The following EPM2A variants were observed in gnomAD, a reference collection of about 807,000 sequenced individuals.
EPM2A encodes EPM2A glucan phosphatase, laforin.
Under a neutral mutation model 26.5 loss-of-function variants are expected in EPM2A, and 21 were observed. The observed-to-expected ratio is 0.79, with a 90% CI of 0.56 to 1.14. EPM2A has a LOEUF of 1.14. Ranked by LOEUF, EPM2A falls within the 50% of genes most tolerant of loss-of-function variation. The pLI is 0.00. For missense variants in EPM2A, 458 were observed against 440.8 expected, an observed-to-expected ratio of 1.04 and a Z score of -0.35; for synonymous variants, 217 against 177.6, an observed-to-expected ratio of 1.22 and a Z score of -1.76.
chr6:145,461,729 T>C (rs1056922675), intron 4 of EPM2A, among the ~76,000 whole-genome samples: 2 of 152,060 alleles, frequency 1.3e-5, no homozygotes, highest in Admixed American at 6.6e-5. Flanking sequence ...AATGAACTGG[T>C]TTCCCTAACT....
At chr6:145,575,961 G>A (rs9376950) in intron 2 of EPM2A, among the ~76,000 whole-genome samples, 55,106 of 152,068 alleles carry the variant, frequency 0.36, 10,445 homozygotes, top group South Asian at 0.51. Flanking sequence ...TCAGCCTCCC[G>A]AGTAGCTGGG....
intron 2 of EPM2A, among the ~76,000 whole-genome samples, chr6:145,550,921 G>C (rs1199951467): frequency 1.3e-5 from 2 of 151,970 alleles, no homozygotes; most frequent in Non-Finnish European, 2.9e-5. Flanking sequence ...GGTATTAGTA[G>C]TTTCGTTTGG....
chr6:145,467,165 A>T (rs1430401221), intron 4 of EPM2A, among the ~76,000 whole-genome samples: 1 of 151,950 alleles, frequency 6.6e-6, no homozygotes, highest in Admixed American at 6.6e-5. Flanking sequence ...AATAAATAAA[A>T]ATTATAAATA....
At chr6:145,567,164 C>A (rs939695069) in intron 2 of EPM2A, among the ~76,000 whole-genome samples, 2 of 152,224 alleles carry the variant, frequency 1.3e-5, no homozygotes, top group Non-Finnish European at 2.9e-5. Flanking sequence ...TTAAACACTG[C>A]AGTGACCCAG....
chr6:145,451,787 T>TAA (rs1779198449), intron 4 of EPM2A, among the ~76,000 whole-genome samples: 2 of 152,368 alleles, frequency 1.3e-5, no homozygotes, highest in African/African-American at 4.8e-5. Flanking sequence ...AATTATTTTT[T>TAA]AATTTTAATT....
chr6:145,613,214 T>C (rs557765061), intron 2 of EPM2A, among the ~76,000 whole-genome samples: 3 of 152,348 alleles, frequency 2.0e-5, no homozygotes, highest in East Asian at 3.9e-4. Context: ...TATTTGTTCA[T>C]TCATAAAAAG....
At chr6:145,685,060 G>C (rs866465527) in intron 2 of EPM2A, among the ~76,000 whole-genome samples, 1 of 152,078 alleles carries the variant, frequency 6.6e-6, no homozygotes, top group South Asian at 2.1e-4. Context: ...GCATCTCCTT[G>C]TGTATGGTAC....
At chr6:145,466,074 A>G (rs1056048687) in intron 4 of EPM2A, among the ~76,000 whole-genome samples, 3 of 152,274 alleles carry the variant, frequency 2.0e-5, no homozygotes, top group South Asian at 2.1e-4. Flanking sequence ...GGACATAGAC[A>G]TGGGCAAGGA....
At chr6:145,580,006 A>T (rs1279877404) in intron 2 of EPM2A, among the ~76,000 whole-genome samples, 1 of 152,196 alleles carries the variant, frequency 6.6e-6, no homozygotes, top group Non-Finnish European at 1.5e-5. Flanking sequence ...AGCTTTGTAC[A>T]TTAACATAGA....
chr6:145,533,546 T>C (rs1055733329), intron 2 of EPM2A, among the ~76,000 whole-genome samples: 1 of 152,202 alleles, frequency 6.6e-6, no homozygotes, highest in African/African-American at 2.4e-5. Context: ...CTCCATCCCC[T>C]ACCCCATGCT....
intron 2 of EPM2A, among the ~76,000 whole-genome samples, chr6:145,557,880 C>T (rs1780751568): frequency 6.6e-6 from 1 of 152,076 alleles, no homozygotes; most frequent in African/African-American, 2.4e-5. Context: ...CAACATCTCC[C>T]CAAACCGTCC....
intron 2 of EPM2A, among the ~76,000 whole-genome samples, chr6:145,616,651 C>A (rs1475968087): frequency 6.6e-6 from 1 of 152,234 alleles, no homozygotes; most frequent in Non-Finnish European, 1.5e-5. Flanking sequence ...CTATACCCTG[C>A]AAAGCCACAG....
At chr6:145,575,639 G>C (rs548565760) in intron 2 of EPM2A, among the ~76,000 whole-genome samples, 1 of 152,262 alleles carries the variant, frequency 6.6e-6, no homozygotes, top group East Asian at 1.9e-4. Context: ...GTTGTCAAAG[G>C]TATTATGTAT....
intron 2 of EPM2A, among the ~76,000 whole-genome samples, chr6:145,515,248 G>A: frequency 6.6e-6 from 1 of 152,210 alleles, no homozygotes; most frequent in East Asian, 1.9e-4. Context: ...GTTTTCTAGA[G>A]AGAAAGCAAT....
chr6:145,526,091 A>G (rs2114778711), intron 2 of EPM2A, among the ~76,000 whole-genome samples: 1 of 152,208 alleles, frequency 6.6e-6, no homozygotes, highest in East Asian at 1.9e-4. Flanking sequence ...GTGGTGAATC[A>G]CACTTATTGA....
chr6:145,623,162 GAACAA>G (rs10559928), downstream of EPM2A, among the ~76,000 whole-genome samples: 14,702 of 152,054 alleles, frequency 0.097, 1,822 homozygotes, highest in African/African-American at 0.29. Flanking sequence ...GTACATCACC[GAACAA>G]AACAAAACAG....
At chr6:145,599,967 T>C (rs539761793) in intron 2 of EPM2A, among the ~76,000 whole-genome samples, 1 of 152,246 alleles carries the variant, frequency 6.6e-6, no homozygotes, top group Non-Finnish European at 1.5e-5. Context: ...TAATAGTTTA[T>C]GTTATAAAGT....
intron 2 of EPM2A, among the ~76,000 whole-genome samples, chr6:145,523,003 T>C (rs1375327470): frequency 6.6e-6 from 1 of 152,168 alleles, no homozygotes; most frequent in Non-Finnish European, 1.5e-5. Context: ...CAGGGGTTGT[T>C]TGTAGGTTTA....
At chr6:145,523,124 C>A (rs1780226223) in intron 2 of EPM2A, among the ~76,000 whole-genome samples, 1 of 152,144 alleles carries the variant, frequency 6.6e-6, no homozygotes, top group Non-Finnish European at 1.5e-5. Flanking sequence ...ACTGTGAGTT[C>A]TTGTGGGCAG....
Sources: allele counts gnomAD v4.1 joint callset (sites outside exome capture counted in the v4.1 genomes callset), GRCh38; gene constraint gnomAD v4.1.1; transcripts MANE v1.5; gene names NCBI Gene and HGNC (gene_info 2026-07-23, HGNC 2026-07-21).